MAGI1: variants seen among roughly 807,000 people sequenced by gnomAD.
MAGI1 encodes membrane associated guanylate kinase, WW and PDZ domain containing 1.
A neutral mutation model predicts 139.9 loss-of-function variants in MAGI1; 58 were observed. The ratio of observed to expected loss-of-function variants is 0.41; its 90% CI spans 0.34 to 0.52. The LOEUF (loss-of-function observed/expected upper bound fraction) is 0.52, where lower values mean the gene tolerates loss of function less well. Among genes scored for constraint, MAGI1 ranks in the 20% least tolerant of loss-of-function variants. MAGI1 has a pLI of 0.12. For synonymous variants in MAGI1, 812 were observed against 737.9 expected, an observed-to-expected ratio of 1.10 and a Z score of -1.63; for missense variants, 1,874 against 1,901.6, an observed-to-expected ratio of 0.99 and a Z score of 0.27.
At chr3:65,598,312 G>A (rs192473494) in intron 2 of MAGI1, among the ~76,000 whole-genome samples, 2 of 152,282 alleles carry the variant, frequency 1.3e-5, no homozygotes, top group Admixed American at 1.3e-4. Context: ...CCCTGGACAT[G>A]GAAAGGCGGG....
At chr3:65,615,721 T>C (rs190864023) in intron 2 of MAGI1, among the ~76,000 whole-genome samples, 191 of 152,320 alleles carry the variant, frequency 1.3e-3, no homozygotes, top group Admixed American at 6.1e-3. Context: ...TCTGAGCCCA[T>C]ACTCTAAGCT....
intron 1 of MAGI1, among the ~76,000 whole-genome samples, chr3:65,967,032 ACAAAGAGGCT>A (rs934087078): frequency 9.1e-4 from 139 of 152,300 alleles, no homozygotes; most frequent in African/African-American, 3.3e-3. Context: ...ATACTGAGGC[ACAAAGAGGCT>A]CAGCAACTTG....
intron 1 of MAGI1, among the ~76,000 whole-genome samples, chr3:65,922,170 T>C (rs1395775025): frequency 6.6e-6 from 1 of 152,038 alleles, no homozygotes; most frequent in Admixed American, 6.6e-5. Context: ...TGAAATGACA[T>C]GCACAAGGTC....
At chr3:65,839,001 C>A (rs956099476) in intron 1 of MAGI1, among the ~76,000 whole-genome samples, 2 of 152,192 alleles carry the variant, frequency 1.3e-5, no homozygotes, top group Admixed American at 1.3e-4. Flanking sequence ...TAAGTGCTTA[C>A]TTGCCATCTG....
intron 2 of MAGI1, among the ~76,000 whole-genome samples, chr3:65,569,061 T>C (rs2080818877): frequency 1.3e-5 from 2 of 152,188 alleles, no homozygotes; most frequent in Admixed American, 6.5e-5. Context: ...TATAGATAGA[T>C]GAATAGATAA....
chr3:65,642,222 C>A (rs995903851), intron 1 of MAGI1, among the ~76,000 whole-genome samples: 17 of 152,156 alleles, frequency 1.1e-4, no homozygotes, highest in African/African-American at 3.9e-4. Flanking sequence ...CCAGCTAACA[C>A]TGAACCATGT....
At chr3:65,682,857 G>T (rs114250423) in intron 1 of MAGI1, among the ~76,000 whole-genome samples, 1 of 151,994 alleles carries the variant, frequency 6.6e-6, no homozygotes, top group Non-Finnish European at 1.5e-5. Flanking sequence ...GTATGACAGC[G>T]GTCCCCAAAC....
chr3:65,502,844 TG>T (rs2077134816), intron 2 of MAGI1, among the ~76,000 whole-genome samples: 1 of 151,992 alleles, frequency 6.6e-6, no homozygotes, highest in South Asian at 2.1e-4. Context: ...AAAAGGTGTG[TG>T]GGTAAGGTGG....
intron 12 of MAGI1, among the ~76,000 whole-genome samples, chr3:65,426,802 T>C (rs1302763257): frequency 6.6e-6 from 1 of 152,240 alleles, no homozygotes; most frequent in Non-Finnish European, 1.5e-5. Context: ...ACAAACTTTC[T>C]ATCCTATACA....
chr3:65,778,443 A>C (rs2038654002), intron 1 of MAGI1, among the ~76,000 whole-genome samples: 1 of 148,842 alleles, frequency 6.7e-6, no homozygotes, highest in Non-Finnish European at 1.5e-5. Flanking sequence ...AAAAAAAAAA[A>C]ATAAATAAAT....
At chr3:65,470,977 T>C (rs1032473299) in intron 4 of MAGI1, among the ~76,000 whole-genome samples, 10 of 152,218 alleles carry the variant, frequency 6.6e-5, no homozygotes, top group Admixed American at 2.6e-4. Flanking sequence ...TATATTTGTA[T>C]AAATATTTTT....
intron 1 of MAGI1, among the ~76,000 whole-genome samples, chr3:65,973,238 A>T (rs2065096216): frequency 6.6e-6 from 1 of 152,098 alleles, no homozygotes; most frequent in Non-Finnish European, 1.5e-5. Flanking sequence ...CCCTATTCTC[A>T]CTCATCTCAG....
intron 1 of MAGI1, among the ~76,000 whole-genome samples, chr3:65,632,972 T>C (rs933435371): frequency 2.0e-5 from 3 of 152,118 alleles, no homozygotes; most frequent in Non-Finnish European, 4.4e-5. Context: ...GCAGCAGCAA[T>C]ACCCAGAAAC....
At chr3:65,835,822 G>C (rs1240466017) in intron 1 of MAGI1, among the ~76,000 whole-genome samples, 2 of 152,132 alleles carry the variant, frequency 1.3e-5, no homozygotes, top group Non-Finnish European at 2.9e-5. Flanking sequence ...ACCATATATA[G>C]ACTCTCCCGC....
intron 1 of MAGI1, among the ~76,000 whole-genome samples, chr3:65,945,870 A>G (rs1393931116): frequency 6.6e-6 from 1 of 152,230 alleles, no homozygotes; most frequent in Non-Finnish European, 1.5e-5. Context: ...AACACTGCCA[A>G]TCCCTGTTCT....
intron 1 of MAGI1, among the ~76,000 whole-genome samples, chr3:65,656,623 G>T (rs2085890365): frequency 6.6e-6 from 1 of 152,058 alleles, no homozygotes. Flanking sequence ...CGGATTTGAA[G>T]AAAGGCCACC....
chr3:65,865,227 T>C (rs745451152), intron 1 of MAGI1, among the ~76,000 whole-genome samples: 8 of 151,806 alleles, frequency 5.3e-5, no homozygotes, highest in Non-Finnish European at 1.2e-4. Flanking sequence ...TTCTCCTAGA[T>C]TTTTACCAAA....
chr3:65,856,791 G>A (rs944338116), intron 1 of MAGI1, among the ~76,000 whole-genome samples: 1 of 152,130 alleles, frequency 6.6e-6, no homozygotes, highest in Non-Finnish European at 1.5e-5. Context: ...AACTACAACG[G>A]TCTCTTGGCT....
chr3:65,359,105 C>T (rs752655544), intron 22 of MAGI1: 10 of 1,613,946 alleles, frequency 6.2e-6, no homozygotes, highest in African/African-American at 1.3e-5. Flanking sequence ...CAAGCCTCCC[C>T]GAGCTTTTCA....
Sources: allele counts gnomAD v4.1 joint callset (sites outside exome capture counted in the v4.1 genomes callset), GRCh38; gene constraint gnomAD v4.1.1; transcripts MANE v1.5; gene names NCBI Gene and HGNC (gene_info 2026-07-23, HGNC 2026-07-21).